MGAT5B: variants seen among roughly 807,000 people sequenced by gnomAD.
MGAT5B encodes the protein N-acetylglucosaminyl-transferase Vb.
Under a neutral mutation model 95.1 loss-of-function variants are expected in MGAT5B, and 54 were observed. The observed-to-expected ratio is 0.57, with a 90% confidence interval of 0.46 to 0.71. The LOEUF (loss-of-function observed/expected upper bound fraction) is 0.71, where lower values mean the gene tolerates loss of function less well. Among genes scored for constraint, MGAT5B ranks in the 30% least tolerant of loss-of-function variants. MGAT5B has a pLI of 0.00. For missense variants in MGAT5B, 935 were observed against 1,088.6 expected, an observed-to-expected ratio of 0.86 and a Z score of 1.99; for synonymous variants, 464 against 451.0, an observed-to-expected ratio of 1.03 and a Z score of -0.36.
At position 76,916,145 on chromosome 17, in the gene MGAT5B, A is replaced by AG. The variant is rs200892254; in HGVS notation, c.1026-8819dup. Among the ~76,000 whole-genome samples, 7,279 of 147,050 alleles carry AG rather than the reference A, an allele frequency of 0.05. 548 individuals are homozygous for AG. The highest frequency in any genetic ancestry group is 0.18 in the African/African-American group (6,707 of 37,276). ...GATCCAGGAGAGACCCTTCCTTGCA[A>AG]GGCCTCGTCTCCCCTTATGCTCCAC... On this transcript the variant is annotated intron_variant, in intron 8 of 17. Coordinates refer to ENST00000569840, the MANE Select transcript of MGAT5B (RefSeq NM_001199172.2). The surrounding 1 kb of genome is among the most constrained non-coding windows in gnomAD (Gnocchi z 5.3).
intron 3 of MGAT5B, among the ~76,000 whole-genome samples, chr17:76,884,997 C>T (rs1166511116): frequency 2.0e-5 from 3 of 152,150 alleles, no homozygotes; most frequent in African/African-American, 7.2e-5. Context: ...CTCGGCCTCC[C>T]AAAGTGCTGG....
intron 10 of MGAT5B, among the ~76,000 whole-genome samples, chr17:76,927,488 C>T (rs191586408): frequency 3.5e-4 from 54 of 152,324 alleles, no homozygotes; most frequent in African/African-American, 1.3e-3. Context: ...GATCCACCCA[C>T]GTAGGCCTCC....
intron 3 of MGAT5B, among the ~76,000 whole-genome samples, chr17:76,885,247 C>G (rs767510995): frequency 6.6e-6 from 1 of 152,170 alleles, no homozygotes; most frequent in Non-Finnish European, 1.5e-5. Flanking sequence ...TGTGTGCCCT[C>G]GGATCCAGCC....
intron 3 of MGAT5B, among the ~76,000 whole-genome samples, chr17:76,891,912 G>T (rs1967884245): frequency 6.6e-6 from 1 of 152,220 alleles, no homozygotes; most frequent in South Asian, 2.1e-4. Flanking sequence ...CGAACACAGG[G>T]TTGTTCCTCT....
chr17:76,932,539 C>A, intron 10 of MGAT5B, 106 bp from the exon 11 acceptor site: 193 of 1,449,008 alleles, frequency 1.3e-4, no homozygotes, highest in East Asian at 2.0e-4. Flanking sequence ...CGCCCCCTTT[C>A]CCACCCCTGC....
intron 2 of MGAT5B, among the ~76,000 whole-genome samples, chr17:76,873,379 C>G (rs1967074423): frequency 6.6e-6 from 1 of 152,234 alleles, no homozygotes; most frequent in Non-Finnish European, 1.5e-5. Context: ...TCTCTGAGCT[C>G]TTGGGACACA....
intron 15 of MGAT5B, among the ~76,000 whole-genome samples, chr17:76,944,483 G>A (rs1286229376): frequency 1.3e-5 from 2 of 152,180 alleles, no homozygotes; most frequent in Admixed American, 6.5e-5. Flanking sequence ...CCAGGACTTC[G>A]TCATGAGTGT....
In MGAT5B at chr17:76,891,209, C is replaced by T. The variant is rs149479047; in HGVS notation, c.329+8911C>T. Among the ~76,000 whole-genome samples the T allele has an allele frequency of 3.0e-3, 457 of 151,640 alleles. 1 individual carries two copies. The highest frequency in any genetic ancestry group is 0.011 in the African/African-American group (445 of 41,308). On this transcript the variant is annotated intron_variant, in intron 3 of 17. Transcript: ENST00000569840. ...CAAACTCCTGACCTCAGATGATCCA[C>T]CTGCCTTGGCCTCTCAAACTGCTGG...
intron 15 of MGAT5B, chr17:76,946,120 A>G: frequency 2.5e-6 from 1 of 396,556 alleles, no homozygotes. Context: ...TGGGACAGGG[A>G]CCTGGGAGGG....
rs1968855746 is a variant in MGAT5B at position 76,914,446 on chromosome 17, A to T, written c.1025+8259A>T. Among the ~76,000 whole-genome samples, 1 of 152,176 alleles carries T rather than the reference A, an allele frequency of 6.6e-6. No homozygotes were observed. The highest frequency in any genetic ancestry group is 1.5e-5 in the Non-Finnish European group (1 of 68,032). On this transcript the variant is annotated intron_variant, in intron 8 of 17. Coordinates refer to ENST00000569840, the MANE Select transcript of MGAT5B (RefSeq NM_001199172.2). This position sits in a 1 kb window ranked among gnomAD's most constrained non-coding sequence, Gnocchi z 5.1. Reference sequence around the variant, plus strand: ...ATGCTGGGGGGTGTAAACCACACAAATGTGTCCTCTTACAGTCCTGAAGGC... The same window carrying T: ...ATGCTGGGGGGTGTAAACCACACAATTGTGTCCTCTTACAGTCCTGAAGGC...
chr17:76,895,549 G>A (rs1190073151), intron 3 of MGAT5B, among the ~76,000 whole-genome samples: 5 of 152,170 alleles, frequency 3.3e-5, no homozygotes, highest in Non-Finnish European at 7.3e-5. Context: ...CAGTGCTAGG[G>A]AAGGATCTGT....
chr17:76,939,048 G>A (rs977772900), intron 13 of MGAT5B, among the ~76,000 whole-genome samples: 2 of 150,864 alleles, frequency 1.3e-5, no homozygotes, highest in Admixed American at 6.6e-5. Context: ...GTGTGTGTGT[G>A]TGTGTGTGTG....
chr17:76,938,256 C>T lies in MGAT5B; in HGVS notation c.1584+113C>T, dbSNP rs1969740793. 2.2e-6 allele frequency: 3 copies of T among 1,377,268 alleles called. No homozygotes were observed. Among genetic ancestry groups the T allele is most frequent in the East Asian group, 2.4e-5 (1 of 42,020 alleles). 85.3% of individuals were successfully genotyped at this position (1,377,268 alleles called of 1,614,324 possible). A position where few individuals can be genotyped will look rare whatever the true frequency, so the allele number is the denominator to read the frequency against. On this transcript the variant is annotated intron_variant, in intron 13 of 17. Transcript: ENST00000569840. This position sits in a 1 kb window ranked among gnomAD's most constrained non-coding sequence, Gnocchi z 4.3. Reference sequence around the variant, plus strand: ...CCTTCCACATATGGACATACCCCAGCATGCTCTGCTGCCCTGAGCCCCACA... The same window carrying T: ...CCTTCCACATATGGACATACCCCAGTATGCTCTGCTGCCCTGAGCCCCACA...
At chr17:76,884,423 T>C (rs1350694366) in intron 3 of MGAT5B, among the ~76,000 whole-genome samples, 6 of 151,962 alleles carry the variant, frequency 3.9e-5, no homozygotes, top group African/African-American at 1.5e-4. Context: ...CTAAGAGGTT[T>C]TATTTATTTA....
At chr17:76,887,613 G>GT (rs1188073226) in intron 3 of MGAT5B, among the ~76,000 whole-genome samples, 1 of 145,238 alleles carries the variant, frequency 6.9e-6, no homozygotes, top group African/African-American at 2.6e-5. Flanking sequence ...GAGTGCAGTG[G>GT]TATGATCTAG....
In MGAT5B at chr17:76,914,225, G is replaced by A. The variant is rs1390343502; in HGVS notation, c.1025+8038G>A. The A allele has an allele frequency of 5.4e-6, 1 of 186,040 alleles. No homozygotes were observed. The highest frequency in any genetic ancestry group is 5.5e-5 in the Admixed American group (1 of 18,332). 11.5% of individuals were successfully genotyped at this position (186,040 alleles called of 1,614,324 possible). Reference sequence around the variant, plus strand: ...TTGGAAAGAGCATTGTGGTGCAGTCGTGGGGACAAAGGTCCTAAACCCAGT... The same window carrying A: ...TTGGAAAGAGCATTGTGGTGCAGTCATGGGGACAAAGGTCCTAAACCCAGT... On this transcript the variant is annotated intron_variant, in intron 8 of 17. Coordinates refer to ENST00000569840, the MANE Select transcript of MGAT5B (RefSeq NM_001199172.2). The surrounding 1 kb of genome is among the most constrained non-coding windows in gnomAD (Gnocchi z 5.1).
Sources: gnomAD v4.1 joint callset for allele counts (sites outside exome capture counted in the v4.1 genomes callset) on GRCh38, gnomAD v4.1.1 for gene constraint, Gnocchi (gnomAD v3.1) non-coding constraint, MANE v1.5 for transcripts, NCBI Gene and HGNC (gene_info 2026-07-23, HGNC 2026-07-21) for gene names.